Variants in EYA2 observed in about 807,000 individuals in gnomAD.
The protein encoded by EYA2 is protein phosphatase EYA2.
Under a neutral mutation model 69.2 loss-of-function variants are expected in EYA2, and 31 were observed. That is an observed-to-expected ratio of 0.45 (90% CI 0.34 to 0.60). The LOEUF (loss-of-function observed/expected upper bound fraction) is 0.60. Among genes scored for constraint, EYA2 ranks in the 20% least tolerant of loss-of-function variants. The pLI is 0.02. For missense variants in EYA2, 622 were observed against 701.2 expected (o/e 0.89, Z 1.28); for synonymous variants, 257 against 279.4 (o/e 0.92, Z 0.80).
chr20:47,043,803 T>C (rs2029897205), intron 5 of EYA2, among the ~76,000 whole-genome samples: 1 of 152,238 alleles, frequency 6.6e-6, no homozygotes, highest in African/African-American at 2.4e-5. Context: ...ATTATCATCA[T>C]TGTCCTGTCT....
chr20:46,915,314 T>C (rs1984850887), intron 1 of EYA2, among the ~76,000 whole-genome samples: 1 of 152,184 alleles, frequency 6.6e-6, no homozygotes, highest in Admixed American at 6.5e-5. Flanking sequence ...GAGAAACATT[T>C]CTCGTTGAAT....
At chr20:46,953,411 G>A (rs1978922110) in intron 1 of EYA2, among the ~76,000 whole-genome samples, 1 of 152,120 alleles carries the variant, frequency 6.6e-6, no homozygotes, top group Non-Finnish European at 1.5e-5. Flanking sequence ...CCTGTTCGGT[G>A]GAAAGGAAGC....
At chr20:46,904,082 C>G (rs1984243034) in intron 1 of EYA2, among the ~76,000 whole-genome samples, 1 of 152,204 alleles carries the variant, frequency 6.6e-6, no homozygotes, top group Admixed American at 6.5e-5. Flanking sequence ...TGGACTCAGA[C>G]AGATCTGGCC....
chr20:47,028,149 A>C (rs4810588), intron 5 of EYA2, among the ~76,000 whole-genome samples: 2 of 152,054 alleles, frequency 1.3e-5, no homozygotes, highest in Admixed American at 6.5e-5. Context: ...AGGACAGGCC[A>C]TGCAAGGACA....
intron 10 of EYA2, among the ~76,000 whole-genome samples, chr20:47,147,757 T>G (rs2033732113): frequency 1.3e-5 from 2 of 152,126 alleles, no homozygotes; most frequent in African/African-American, 4.8e-5. Context: ...TCTGTGGGGT[T>G]TAAAGAATGG....
chr20:47,089,020 C>T (rs772086739), intron 7 of EYA2, among the ~76,000 whole-genome samples: 1 of 152,164 alleles, frequency 6.6e-6, no homozygotes, highest in African/African-American at 2.4e-5. Flanking sequence ...GAGCAGTGCC[C>T]GCTGACCAAG....
intron 6 of EYA2, 21 bp from the exon 7 acceptor site, chr20:47,074,137 G>T (rs1281644493): frequency 3.2e-6 from 5 of 1,579,556 alleles, no homozygotes; most frequent in Non-Finnish European, 2.6e-6. Flanking sequence ...ATATGTCCTT[G>T]GTTTGTTTTT....
chr20:47,029,335 G>C (rs1261498839), intron 5 of EYA2, among the ~76,000 whole-genome samples: 2 of 152,236 alleles, frequency 1.3e-5, no homozygotes, highest in Non-Finnish European at 2.9e-5. Flanking sequence ...TCGAAGACAT[G>C]CTGTGGCAAC....
At chr20:47,141,440 G>T (rs950791638) in intron 9 of EYA2, among the ~76,000 whole-genome samples, 2 of 152,184 alleles carry the variant, frequency 1.3e-5, no homozygotes, top group African/African-American at 4.8e-5. Context: ...CTGGGCATCA[G>T]GATTTTTAAA....
At chr20:47,125,423 C>A (rs748721054) in intron 9 of EYA2, among the ~76,000 whole-genome samples, 1 of 151,974 alleles carries the variant, frequency 6.6e-6, no homozygotes, top group Non-Finnish European at 1.5e-5. Context: ...ACAAAACTGT[C>A]GAAGAAGCCA....
chr20:46,933,645 G>T (rs917944453), intron 1 of EYA2, among the ~76,000 whole-genome samples: 1 of 152,198 alleles, frequency 6.6e-6, no homozygotes, highest in Non-Finnish European at 1.5e-5. Context: ...GATGGAAAGC[G>T]CCAAGTCTCA....
chr20:47,029,207 G>A (rs905639473), intron 5 of EYA2, among the ~76,000 whole-genome samples: 6 of 152,282 alleles, frequency 3.9e-5, no homozygotes, highest in Non-Finnish European at 5.9e-5. Context: ...AAGGCAGAAG[G>A]GCCACAGGTT....
intron 10 of EYA2, among the ~76,000 whole-genome samples, chr20:47,143,968 A>G (rs540722370): frequency 7.0e-4 from 106 of 152,364 alleles, no homozygotes; most frequent in African/African-American, 2.5e-3. Context: ...AACTTTCTCC[A>G]ACGTGAAGAA....
At chr20:47,148,147 C>A (rs1434944988) in intron 10 of EYA2, among the ~76,000 whole-genome samples, 1 of 152,110 alleles carries the variant, frequency 6.6e-6, no homozygotes, top group African/African-American at 2.4e-5. Flanking sequence ...GCACGCATGT[C>A]CCAAGTTGAG....
intron 9 of EYA2, among the ~76,000 whole-genome samples, chr20:47,127,742 G>A (rs2033234409): frequency 6.6e-6 from 1 of 152,152 alleles, no homozygotes; most frequent in South Asian, 2.1e-4. Flanking sequence ...GACAGTCCTG[G>A]AGGGCTTAAT....
At chr20:47,096,929 T>C (rs1274805612) in intron 8 of EYA2, among the ~76,000 whole-genome samples, 156 bp from the exon 9 acceptor site, 1 of 152,216 alleles carries the variant, frequency 6.6e-6, no homozygotes, top group Non-Finnish European at 1.5e-5. Flanking sequence ...TAAGGTTGGA[T>C]GGGGATTCAT....
chr20:46,946,404 A>G (rs892298294), intron 1 of EYA2, among the ~76,000 whole-genome samples: 3 of 152,310 alleles, frequency 2.0e-5, no homozygotes, highest in Non-Finnish European at 4.4e-5. Context: ...TGCAGGGCCA[A>G]GGGTTACTTT....
intron 5 of EYA2, among the ~76,000 whole-genome samples, chr20:47,047,749 T>C (rs562547824): frequency 1.3e-5 from 2 of 152,012 alleles, no homozygotes; most frequent in African/African-American, 4.8e-5. Context: ...TGTAACAAAG[T>C]GCCACACAGT....
intron 1 of EYA2, among the ~76,000 whole-genome samples, chr20:46,941,031 C>T (rs1986133531): frequency 6.6e-6 from 1 of 152,214 alleles, no homozygotes; most frequent in Non-Finnish European, 1.5e-5. Context: ...GGGAAAGGTG[C>T]AAGAGGCCCC....
Sources: gnomAD v4.1 joint callset for allele counts (sites outside exome capture counted in the v4.1 genomes callset) on GRCh38, gnomAD v4.1.1 for gene constraint, MANE v1.5 for transcripts, NCBI Gene and HGNC (gene_info 2026-07-23, HGNC 2026-07-21) for gene names.